The following LYRM4 variants were observed in gnomAD, a reference collection of about 807,000 sequenced individuals.
The protein encoded by LYRM4 is LYR motif containing 4.
Under a neutral mutation model 11.7 loss-of-function variants are expected in LYRM4, and 9 were observed. That is an observed-to-expected ratio of 0.77 (90% CI 0.46 to 1.34). The LOEUF (loss-of-function observed/expected upper bound fraction) is 1.34, where lower values mean the gene tolerates loss of function less well. Among genes scored for constraint, LYRM4 ranks in the 40% most tolerant of loss-of-function variants. The pLI is 0.00. For missense variants in LYRM4, 133 were observed against 112.5 expected, an observed-to-expected ratio of 1.18 and a Z score of -0.82; for synonymous variants, 42 against 40.4, an observed-to-expected ratio of 1.04 and a Z score of -0.15.
the LYRM4 span, among the ~76,000 whole-genome samples, chr6:5,093,367 C>G: frequency 6.6e-6 from 1 of 152,252 alleles, no homozygotes; most frequent in Non-Finnish European, 1.5e-5. Context: ...CCATCACTAT[C>G]TAGAGCATGT....
chr6:5,182,704 T>C (rs1330111117), intron 2 of LYRM4, among the ~76,000 whole-genome samples: 1 of 152,212 alleles, frequency 6.6e-6, no homozygotes, highest in Non-Finnish European at 1.5e-5. Context: ...GTAACCCTGT[T>C]TGAGAACCAC....
At chr6:5,045,891 G>T in the LYRM4 span, among the ~76,000 whole-genome samples, 3 of 152,220 alleles carry the variant, frequency 2.0e-5, no homozygotes, top group Non-Finnish European at 4.4e-5. Flanking sequence ...TCTATTGTCA[G>T]TATTTTTCTG....
chr6:5,139,329 C>T (rs558165342), intron 2 of LYRM4, among the ~76,000 whole-genome samples: 2 of 152,302 alleles, frequency 1.3e-5, no homozygotes, highest in South Asian at 2.1e-4. Flanking sequence ...CTCTGACCAA[C>T]GAAGGCGCAG....
intron 2 of LYRM4, among the ~76,000 whole-genome samples, chr6:5,158,850 G>A (rs1426308494): frequency 6.6e-6 from 1 of 152,172 alleles, no homozygotes. Flanking sequence ...GGCTGGAAGA[G>A]GGTCAAATCT....
At chr6:5,212,592 C>T (rs969023792) in intron 2 of LYRM4, among the ~76,000 whole-genome samples, 4 of 152,214 alleles carry the variant, frequency 2.6e-5, no homozygotes, top group African/African-American at 9.6e-5. Flanking sequence ...GGGGCTAGCC[C>T]AGAACTTGCT....
chr6:5,260,931 G>GCC lies in LYRM4; in HGVS notation c.-199_-198insGG. 1 of 1,353,454 alleles carries GCC rather than the reference G, an allele frequency of 7.4e-7. No homozygotes were observed. Among genetic ancestry groups the GCC allele is most frequent in the Non-Finnish European group, 9.5e-7 (1 of 1,057,292 alleles). The allele number at this position is 1,353,454 out of a possible 1,614,324, so 83.8% of individuals were successfully genotyped here. A position where few individuals can be genotyped will look rare whatever the true frequency, so the allele number is the denominator to read the frequency against. On this transcript the variant is annotated 5_prime_UTR_variant, in exon 1 of 3. Coordinates refer to ENST00000330636, the MANE Select transcript of LYRM4 (RefSeq NM_020408.6). The stretch of plus-strand genomic sequence containing the variant: ...GCCAGGCGTCCCGCGCCGCTTCGGG[G>GCC]GCGGGCGCAGGCAGGGCTCGGGGCA...
intron 2 of LYRM4, among the ~76,000 whole-genome samples, chr6:5,151,372 C>T (rs976823229): frequency 7.2e-5 from 11 of 152,100 alleles, no homozygotes; most frequent in African/African-American, 2.2e-4. Flanking sequence ...CATGAGCCAC[C>T]GCACCCGGCC....
At chr6:5,129,331 G>T (rs2127611013) in intron 2 of LYRM4, among the ~76,000 whole-genome samples, 1 of 152,278 alleles carries the variant, frequency 6.6e-6, no homozygotes. Flanking sequence ...AGTTATGGAG[G>T]CCAGAAGTCA....
chr6:5,044,138 T>C, the LYRM4 span, among the ~76,000 whole-genome samples: 1 of 152,142 alleles, frequency 6.6e-6, no homozygotes, highest in African/African-American at 2.4e-5. Flanking sequence ...TGTTTGTTTT[T>C]TGTTTGTGAG....
intron 1 of LYRM4, among the ~76,000 whole-genome samples, chr6:5,244,857 G>A (rs146042995): frequency 0.012 from 1,819 of 151,658 alleles, 22 homozygotes; most frequent in South Asian, 0.036. Flanking sequence ...TCATGGCACT[G>A]ACGGGGGTAG....
chr6:5,184,302 G>C (rs1760252383), intron 2 of LYRM4, among the ~76,000 whole-genome samples: 1 of 152,068 alleles, frequency 6.6e-6, no homozygotes, highest in Non-Finnish European at 1.5e-5. Context: ...ACAAGAAAGG[G>C]GTTCAAAATT....
chr6:5,210,817 A>C (rs1244803432), intron 2 of LYRM4, among the ~76,000 whole-genome samples: 1 of 152,226 alleles, frequency 6.6e-6, no homozygotes, highest in Non-Finnish European at 1.5e-5. Context: ...CTCAAGGTTC[A>C]TCCATATTCT....
intron 1 of LYRM4, among the ~76,000 whole-genome samples, chr6:5,256,644 G>A (rs943593477): frequency 6.6e-6 from 1 of 151,938 alleles, no homozygotes; most frequent in Non-Finnish European, 1.5e-5. Flanking sequence ...TGTGACTTGC[G>A]TGGGGTCACA....
At chr6:5,237,995 C>G (rs951423127) in intron 1 of LYRM4, among the ~76,000 whole-genome samples, 8 of 152,188 alleles carry the variant, frequency 5.3e-5, no homozygotes, top group African/African-American at 1.7e-4. Context: ...CCTCTCCCTG[C>G]ATAGGCTGCT....
intron 2 of LYRM4, among the ~76,000 whole-genome samples, chr6:5,115,661 TG>T (rs1419109276): frequency 6.6e-6 from 1 of 151,894 alleles, no homozygotes; most frequent in East Asian, 1.9e-4. Flanking sequence ...AATAAAGAAC[TG>T]GGGGGCAATC....
chr6:5,067,656 G>A, the LYRM4 span, among the ~76,000 whole-genome samples: 11 of 152,320 alleles, frequency 7.2e-5, no homozygotes, highest in East Asian at 1.9e-3. Flanking sequence ...AAGGCTTGGC[G>A]ACTGTTTTAT....
chr6:5,232,020 C>T (rs949981019), intron 1 of LYRM4, among the ~76,000 whole-genome samples: 1 of 152,224 alleles, frequency 6.6e-6, no homozygotes, highest in Non-Finnish European at 1.5e-5. Flanking sequence ...CAAATGCTTA[C>T]TGGTTACCAT....
At chr6:5,065,603 T>C in the LYRM4 span, among the ~76,000 whole-genome samples, 4 of 152,246 alleles carry the variant, frequency 2.6e-5, no homozygotes, top group African/African-American at 9.6e-5. Context: ...CTTTATTCAA[T>C]TGTGAATAAA....
the LYRM4 span, chr6:5,088,521 A>G: frequency 0.94 from 143,194 of 152,346 alleles, 67,374 homozygotes; most frequent in African/African-American, 0.98. Flanking sequence ...GTGCACACTC[A>G]TTTCTGTCTT....
Sources: allele counts gnomAD v4.1 joint callset (sites outside exome capture counted in the v4.1 genomes callset), GRCh38; gene constraint gnomAD v4.1.1; transcripts MANE v1.5; gene names NCBI Gene and HGNC (gene_info 2026-07-23, HGNC 2026-07-21).